ARHGAP22: variants seen among roughly 807,000 people sequenced by gnomAD.
ARHGAP22 encodes the protein Rho GTPase activating protein 22, also known as rho GTPase-activating protein 22.
In ARHGAP22, 48 loss-of-function variants were observed where a neutral mutation model predicts 59.1. That is an observed-to-expected ratio of 0.81 (90% confidence interval 0.64 to 1.03). The LOEUF is 1.03. ARHGAP22 is among the 50% of genes least tolerant of loss of function. ARHGAP22 has a pLI of 0.00. For missense variants in ARHGAP22, 1,015 were observed against 958.7 expected, an observed-to-expected ratio of 1.06 and a Z score of -0.78; for synonymous variants, 445 against 416.4, an observed-to-expected ratio of 1.07 and a Z score of -0.84.
intron 3 of ARHGAP22, among the ~76,000 whole-genome samples, chr10:48,504,295 G>A (rs910473659): frequency 6.6e-6 from 1 of 152,228 alleles, no homozygotes; most frequent in Non-Finnish European, 1.5e-5. Context: ...GGGCAGGGAG[G>A]CTGATTCTTC....
chr10:48,482,228 T>A (rs951691964), intron 3 of ARHGAP22, among the ~76,000 whole-genome samples: 3 of 152,240 alleles, frequency 2.0e-5, no homozygotes, highest in African/African-American at 7.2e-5. Context: ...CTTTCAAAAG[T>A]TTCACAGTTT....
At chr10:48,442,267 G>T (rs2045220643), downstream of ARHGAP22, among the ~76,000 whole-genome samples, 1 of 152,208 alleles carries the variant, frequency 6.6e-6, no homozygotes, top group Admixed American at 6.5e-5. Flanking sequence ...ATGTCACCTG[G>T]CAGTGTTGCT....
At chr10:48,509,557 G>C (rs535800113) in intron 3 of ARHGAP22, among the ~76,000 whole-genome samples, 1 of 152,364 alleles carries the variant, frequency 6.6e-6, no homozygotes, top group Admixed American at 6.5e-5. Context: ...GGGAGCTCCA[G>C]CCAGGACAAT....
At chr10:48,458,403 C>A (rs1002000634) in intron 5 of ARHGAP22, among the ~76,000 whole-genome samples, 3 of 152,038 alleles carry the variant, frequency 2.0e-5, no homozygotes, top group African/African-American at 7.2e-5. Flanking sequence ...GCTGAGCATG[C>A]CAGGAACCAC....
At chr10:48,543,819 G>T (rs940128481) in intron 3 of ARHGAP22, among the ~76,000 whole-genome samples, 3 of 151,488 alleles carry the variant, frequency 2.0e-5, no homozygotes, top group Non-Finnish European at 4.4e-5. Context: ...GATAAAAGAA[G>T]AACTGAAAAA....
At chr10:48,618,942 C>G (rs1376970181) in intron 1 of ARHGAP22, among the ~76,000 whole-genome samples, 2 of 152,008 alleles carry the variant, frequency 1.3e-5, no homozygotes, top group Non-Finnish European at 2.9e-5. Flanking sequence ...GATCTTATAT[C>G]TAGAAGACCC....
At chr10:48,457,907 A>G in intron 5 of ARHGAP22, among the ~76,000 whole-genome samples, 1 of 38,028 alleles carries the variant, frequency 2.6e-5, no homozygotes, top group Non-Finnish European at 5.4e-5. Context: ...GTGGGTGAGG[A>G]GGAGACCCTC....
chr10:48,616,879 T>C (rs559645988), intron 1 of ARHGAP22, among the ~76,000 whole-genome samples: 1 of 152,172 alleles, frequency 6.6e-6, no homozygotes, highest in South Asian at 2.1e-4. Context: ...TAACTGAAAT[T>C]CACATGAAGA....
chr10:48,571,456 G>C (rs910847203), intron 2 of ARHGAP22, among the ~76,000 whole-genome samples: 2 of 152,146 alleles, frequency 1.3e-5, no homozygotes, highest in Non-Finnish European at 2.9e-5. Context: ...GTGCCTTGAG[G>C]GGACCGTCAC....
At chr10:48,636,049 ACT>A (rs890801827) in intron 1 of ARHGAP22, among the ~76,000 whole-genome samples, 3 of 151,732 alleles carry the variant, frequency 2.0e-5, no homozygotes, top group Admixed American at 2.0e-4. Context: ...TCAGGTCCTT[ACT>A]CTCTCTCTCT....
chr10:48,609,849 A>G (rs940788892), upstream of ARHGAP22, among the ~76,000 whole-genome samples: 1 of 152,142 alleles, frequency 6.6e-6, no homozygotes, highest in African/African-American at 2.4e-5. Context: ...TTTAAATATC[A>G]TCTATATACG....
At chr10:48,490,035 G>C (rs2050227644) in intron 3 of ARHGAP22, among the ~76,000 whole-genome samples, 1 of 152,072 alleles carries the variant, frequency 6.6e-6, no homozygotes, top group Admixed American at 6.5e-5. Context: ...GCCCGGCCCA[G>C]AGGCTCTCTT....
chr10:48,511,241 C>T (rs779901259), intron 3 of ARHGAP22, among the ~76,000 whole-genome samples: 8 of 152,250 alleles, frequency 5.3e-5, no homozygotes, highest in East Asian at 1.9e-4. Flanking sequence ...GTCCTGCTCT[C>T]GGTGCCTTCG....
chr10:48,451,363 G>C lies in ARHGAP22; in HGVS notation c.989-223C>G, dbSNP rs920519657. ...CGCAGAACCGCCTTCCTCAGGCACA[G>C]AGCCGCAAGCAGGGAGGAAGCACTG... On this transcript the variant is annotated intron_variant, in intron 8 of 9. Transcript: ENST00000249601. The C allele has an allele frequency of 2.9e-4, 214 of 730,722 alleles. 1 individual carries two copies. The highest frequency in any genetic ancestry group is 4.9e-4 in the Non-Finnish European group (202 of 410,544). 45.3% of individuals were successfully genotyped at this position (730,722 alleles called of 1,614,324 possible).
At chr10:48,473,323 G>T (rs1420949914) in intron 4 of ARHGAP22, among the ~76,000 whole-genome samples, 1 of 151,956 alleles carries the variant, frequency 6.6e-6, no homozygotes, top group Admixed American at 6.6e-5. Flanking sequence ...AATGGTGGTT[G>T]CCCAGGGCTG....
intron 3 of ARHGAP22, among the ~76,000 whole-genome samples, chr10:48,496,624 C>G (rs1020146209): frequency 1.3e-5 from 2 of 152,158 alleles, no homozygotes; most frequent in African/African-American, 4.8e-5. Context: ...TCTCTAGGAT[C>G]TTACCTAAGA....
intron 4 of ARHGAP22, among the ~76,000 whole-genome samples, chr10:48,463,830 C>T (rs903200969): frequency 1.3e-5 from 2 of 152,218 alleles, no homozygotes; most frequent in African/African-American, 4.8e-5. Context: ...CCAAGGAGAG[C>T]CAGTGAAGGA....
At chr10:48,554,875 G>A (rs1162516840) in intron 3 of ARHGAP22, among the ~76,000 whole-genome samples, 1 of 152,146 alleles carries the variant, frequency 6.6e-6, no homozygotes, top group Non-Finnish European at 1.5e-5. Flanking sequence ...TGCTTCTAGG[G>A]GAGGCCAAGC....
At chr10:48,492,038 G>A (rs1405773734) in intron 3 of ARHGAP22, among the ~76,000 whole-genome samples, 1 of 152,208 alleles carries the variant, frequency 6.6e-6, no homozygotes, top group Non-Finnish European at 1.5e-5. Context: ...CCTGGGGAGA[G>A]GGGGAGGCTC....
Sources: allele counts gnomAD v4.1 joint callset (sites outside exome capture counted in the v4.1 genomes callset), GRCh38; gene constraint gnomAD v4.1.1; transcripts MANE v1.5; gene names NCBI Gene and HGNC (gene_info 2026-07-23, HGNC 2026-07-21).